The following PDE10A variants were observed in gnomAD, a reference collection of about 807,000 sequenced individuals.
The protein encoded by PDE10A is phosphodiesterase 10A.
Under a neutral mutation model 97.7 loss-of-function variants are expected in PDE10A, and 39 were observed. The observed-to-expected ratio is 0.40, with a 90% CI of 0.31 to 0.52. The LOEUF (loss-of-function observed/expected upper bound fraction) is 0.52, where lower values mean the gene tolerates loss of function less well. PDE10A is among the 20% of genes least tolerant of loss of function. PDE10A has a pLI of 0.56. For missense variants in PDE10A, 731 were observed against 1,047.8 expected, an observed-to-expected ratio of 0.70 and a Z score of 4.17; for synonymous variants, 371 against 376.8, an observed-to-expected ratio of 0.98 and a Z score of 0.18.
chr6:165,645,623 G>A (rs934980299), intron 1 of PDE10A, among the ~76,000 whole-genome samples: 3 of 152,058 alleles, frequency 2.0e-5, no homozygotes, highest in African/African-American at 7.2e-5. Context: ...GGAGGCTGAG[G>A]TGGGCAGATT....
intron 1 of PDE10A, among the ~76,000 whole-genome samples, chr6:165,863,728 A>C (rs2128477199): frequency 6.6e-6 from 1 of 152,370 alleles, no homozygotes; most frequent in Non-Finnish European, 1.5e-5. Flanking sequence ...TATGACACAG[A>C]TATACTACAA....
chr6:165,778,537 C>CAG (rs1778257480), intron 1 of PDE10A, among the ~76,000 whole-genome samples: 1 of 152,144 alleles, frequency 6.6e-6, no homozygotes, highest in South Asian at 2.1e-4. Context: ...TCCTGGTGCC[C>CAG]AGATGCATGC....
intron 18 of PDE10A, among the ~76,000 whole-genome samples, chr6:165,349,269 A>G (rs1042914872): frequency 2.0e-5 from 3 of 152,186 alleles, no homozygotes; most frequent in Non-Finnish European, 4.4e-5. Context: ...GGCTTTGACC[A>G]AAATGCTGAC....
At chr6:165,390,757 A>G (rs1167644273) in intron 16 of PDE10A, among the ~76,000 whole-genome samples, 1 of 152,132 alleles carries the variant, frequency 6.6e-6, no homozygotes, top group African/African-American at 2.4e-5. Flanking sequence ...TCACAGGTAC[A>G]TTTTTAGCGA....
intron 1 of PDE10A, among the ~76,000 whole-genome samples, chr6:165,570,776 G>A (rs57580602): frequency 6.6e-6 from 1 of 152,026 alleles, no homozygotes; most frequent in Non-Finnish European, 1.5e-5. Context: ...AATTACAGTC[G>A]ATTATTATTA....
At chr6:165,501,435 C>T (rs1040808742) in intron 2 of PDE10A, among the ~76,000 whole-genome samples, 56 of 152,204 alleles carry the variant, frequency 3.7e-4, no homozygotes, top group African/African-American at 1.3e-3. Flanking sequence ...GTGGCGGGCG[C>T]CTGTAGTCCC....
At chr6:165,537,264 A>G (rs904477477) in intron 2 of PDE10A, among the ~76,000 whole-genome samples, 1 of 152,056 alleles carries the variant, frequency 6.6e-6, no homozygotes, top group Admixed American at 6.6e-5. Flanking sequence ...GTAGATTGGT[A>G]GTTACCAGAG....
At chr6:165,851,051 CAAGT>C (rs1780558371) in intron 1 of PDE10A, among the ~76,000 whole-genome samples, 1 of 152,150 alleles carries the variant, frequency 6.6e-6, no homozygotes, top group South Asian at 2.1e-4. Flanking sequence ...CAGGTAGAAT[CAAGT>C]AAGAGAAAAT....
At chr6:165,484,101 T>C (rs1006273378) in intron 2 of PDE10A, among the ~76,000 whole-genome samples, 8 of 152,254 alleles carry the variant, frequency 5.3e-5, no homozygotes, top group South Asian at 4.1e-4. Context: ...TTAAGAACTA[T>C]AGTATTCTAC....
intron 1 of PDE10A, among the ~76,000 whole-genome samples, chr6:165,798,164 C>T (rs950546746): frequency 1.2e-4 from 19 of 152,176 alleles, no homozygotes; most frequent in African/African-American, 4.6e-4. Context: ...CTTACTAACA[C>T]CACATTTCTC....
At chr6:165,370,818 C>A (rs1191716999) in intron 18 of PDE10A, among the ~76,000 whole-genome samples, 2 of 149,974 alleles carry the variant, frequency 1.3e-5, no homozygotes, top group African/African-American at 4.9e-5. Flanking sequence ...AAATTGACCA[C>A]ATACTTGGAA....
At chr6:165,552,033 G>T (rs915602924) in intron 1 of PDE10A, among the ~76,000 whole-genome samples, 1 of 151,592 alleles carries the variant, frequency 6.6e-6, no homozygotes. Context: ...CCTCTCTTAC[G>T]GCTCAGTGAG....
intron 10 of PDE10A, among the ~76,000 whole-genome samples, chr6:165,422,049 G>A (rs1031595393): frequency 6.6e-6 from 1 of 151,918 alleles, no homozygotes; most frequent in African/African-American, 2.4e-5. Context: ...GGGTGACAGT[G>A]CCAGACCCTG....
intron 1 of PDE10A, among the ~76,000 whole-genome samples, chr6:165,745,197 C>G (rs1792816862): frequency 6.6e-6 from 1 of 152,150 alleles, no homozygotes; most frequent in Admixed American, 6.5e-5. Context: ...ATCACAGCTG[C>G]TTTATGTGAT....
At chr6:165,666,653 C>T (rs1790504754), upstream of PDE10A, among the ~76,000 whole-genome samples, 1 of 152,054 alleles carries the variant, frequency 6.6e-6, no homozygotes, top group Non-Finnish European at 1.5e-5. Context: ...TCCCGGCCCC[C>T]CACCCCCGCA....
chr6:165,922,585 TCAAA>T (rs1242026226), intron 1 of PDE10A, among the ~76,000 whole-genome samples: 3 of 152,190 alleles, frequency 2.0e-5, no homozygotes, highest in African/African-American at 7.2e-5. Context: ...CTACAACTGG[TCAAA>T]CAATGACCCC....
chr6:165,841,284 G>A (rs1171672530), intron 1 of PDE10A, among the ~76,000 whole-genome samples: 1 of 152,198 alleles, frequency 6.6e-6, no homozygotes, highest in Non-Finnish European at 1.5e-5. Context: ...TTCTCCTGCT[G>A]GGTACCCACT....
At chr6:165,619,336 A>G (rs868661124) in intron 1 of PDE10A, among the ~76,000 whole-genome samples, 14 of 131,876 alleles carry the variant, frequency 1.1e-4, no homozygotes, top group African/African-American at 4.8e-4. Context: ...AGTGTAGTGT[A>G]GTGTAGTCTA....
intron 18 of PDE10A, among the ~76,000 whole-genome samples, chr6:165,361,675 A>G (rs1048510366): frequency 5.9e-5 from 9 of 152,164 alleles, no homozygotes; most frequent in African/African-American, 1.9e-4. Context: ...GTATCTCATC[A>G]CTGGCATGTG....
Sources: gnomAD v4.1 joint callset for allele counts (sites outside exome capture counted in the v4.1 genomes callset) on GRCh38, gnomAD v4.1.1 for gene constraint, MANE v1.5 for transcripts, NCBI Gene and HGNC (gene_info 2026-07-23, HGNC 2026-07-21) for gene names.